The following EXT1 variants were observed in gnomAD, a reference collection of about 807,000 sequenced individuals.
EXT1 encodes the protein exostosin glycosyltransferase 1.
A neutral mutation model predicts 82.5 loss-of-function variants in EXT1; 20 were observed. The ratio of observed to expected loss-of-function variants is 0.24; its 90% CI spans 0.17 to 0.35. The LOEUF (loss-of-function observed/expected upper bound fraction) is 0.35, where lower values mean the gene tolerates loss of function less well. Among genes scored for constraint, EXT1 ranks in the 10% least tolerant of loss-of-function variants. EXT1 has a pLI of 1.00. For synonymous variants in EXT1, 348 were observed against 350.8 expected, an observed-to-expected ratio of 0.99 and a Z score of 0.09; for missense variants, 757 against 936.5, an observed-to-expected ratio of 0.81 and a Z score of 2.50.
intron 1 of EXT1, among the ~76,000 whole-genome samples, chr8:118,005,347 T>C (rs539425716): frequency 3.7e-4 from 56 of 152,228 alleles, no homozygotes; most frequent in African/African-American, 1.3e-3. Context: ...GTTTCTTAGC[T>C]CTAGTTACAA....
At chr8:117,851,438 CCA>C (rs1006280851) in intron 1 of EXT1, among the ~76,000 whole-genome samples, 1 of 150,580 alleles carries the variant, frequency 6.6e-6, no homozygotes, top group African/African-American at 2.4e-5. Context: ...TCAACGGAGC[CCA>C]GTTTCCACAG....
chr8:117,931,418 T>C (rs935044322), intron 1 of EXT1, among the ~76,000 whole-genome samples: 3 of 151,416 alleles, frequency 2.0e-5, no homozygotes, highest in East Asian at 3.9e-4. Flanking sequence ...TAAATCTTTA[T>C]AAATTATAAA....
In EXT1 at chr8:118,105,594, C is replaced by T. The variant is rs144432049; in HGVS notation, c.962+4491G>A. ...GAAAGGAAGGAGAGAATCAGAATCT[C>T]GGTGTCAGAAGACAAACTTGCCAAC... On this transcript the variant is annotated intron_variant, in intron 1 of 10. Transcript: ENST00000378204. Among the ~76,000 whole-genome samples, 241 of 152,256 alleles carry T rather than the reference C, an allele frequency of 1.6e-3. 1 individual carries two copies. The highest frequency in any genetic ancestry group is 5.7e-3 in the African/African-American group (237 of 41,550).
At chr8:117,806,994 C>T (rs1391137484) in intron 9 of EXT1, among the ~76,000 whole-genome samples, 2 of 152,078 alleles carry the variant, frequency 1.3e-5, no homozygotes, top group Admixed American at 6.6e-5. Flanking sequence ...ACACTTCAGA[C>T]CAACTGAAAA....
chr8:118,038,268 G>C (rs1037745630), intron 1 of EXT1, among the ~76,000 whole-genome samples: 10 of 152,216 alleles, frequency 6.6e-5, no homozygotes, highest in African/African-American at 2.4e-4. Flanking sequence ...CAAAAACGTT[G>C]AACAGTGGGT....
chr8:117,900,495 TGCCA>T (rs1813422014), intron 1 of EXT1, among the ~76,000 whole-genome samples: 6 of 152,210 alleles, frequency 3.9e-5, no homozygotes, highest in Non-Finnish European at 8.8e-5. Context: ...TTAGGGCTGA[TGCCA>T]TGAAATAAAT....
chr8:117,831,280 G>A (rs1286358792), intron 3 of EXT1, among the ~76,000 whole-genome samples: 2 of 152,100 alleles, frequency 1.3e-5, no homozygotes, highest in Non-Finnish European at 2.9e-5. Flanking sequence ...TATAAAGTGG[G>A]GATAAAGTAC....
chr8:117,890,917 A>C (rs1437941605), intron 1 of EXT1, among the ~76,000 whole-genome samples: 2 of 152,100 alleles, frequency 1.3e-5, no homozygotes, highest in Non-Finnish European at 2.9e-5. Flanking sequence ...GAGGGCAATT[A>C]TTTTCTCCTC....
intron 1 of EXT1, among the ~76,000 whole-genome samples, chr8:117,886,049 T>C (rs1323554439): frequency 6.6e-6 from 1 of 152,154 alleles, no homozygotes; most frequent in Non-Finnish European, 1.5e-5. Flanking sequence ...TCCCTGAATC[T>C]CAGTTTTAAA....
intron 1 of EXT1, among the ~76,000 whole-genome samples, chr8:117,864,696 C>T (rs138330329): frequency 0.027 from 3,970 of 147,984 alleles, 191 homozygotes; most frequent in African/African-American, 0.094. Flanking sequence ...TTGCGGTGAG[C>T]GCAGATAGCG....
chr8:117,850,328 T>C (rs183177971), intron 1 of EXT1, among the ~76,000 whole-genome samples: 1 of 152,350 alleles, frequency 6.6e-6, no homozygotes, highest in African/African-American at 2.4e-5. Flanking sequence ...GATTGCAGTC[T>C]CTTTGGAAGG....
At chr8:117,822,713 C>CCT in intron 4 of EXT1, 116 bp from the exon 5 acceptor site, 1 of 1,087,498 alleles carries the variant, frequency 9.2e-7, no homozygotes, top group Non-Finnish European at 1.4e-6. Context: ...TCTACCCTCC[C>CCT]TCCCACTTTA....
intron 1 of EXT1, among the ~76,000 whole-genome samples, chr8:118,107,539 A>T (rs1042680959): frequency 6.6e-6 from 1 of 152,170 alleles, no homozygotes; most frequent in African/African-American, 2.4e-5. Context: ...AGACTGGCAT[A>T]TCTTGACTTG....
At chr8:117,840,739 A>G (rs961201636) in intron 1 of EXT1, among the ~76,000 whole-genome samples, 1 of 152,252 alleles carries the variant, frequency 6.6e-6, no homozygotes, top group African/African-American at 2.4e-5. Flanking sequence ...TCAAACTTTA[A>G]AAGAGGCTAA....
intron 3 of EXT1, among the ~76,000 whole-genome samples, chr8:117,833,539 C>G (rs922835374): frequency 6.6e-6 from 1 of 151,516 alleles, no homozygotes; most frequent in Admixed American, 6.6e-5. Context: ...CGCTTAAACC[C>G]GGGAGGTGGA....
intron 1 of EXT1, among the ~76,000 whole-genome samples, chr8:118,068,610 G>C (rs945041766): frequency 6.6e-6 from 1 of 152,046 alleles, no homozygotes; most frequent in Non-Finnish European, 1.5e-5. Context: ...ATGTTAAATA[G>C]TGTGGCTAAT....
At chr8:118,099,480 T>G (rs1383217520) in intron 1 of EXT1, among the ~76,000 whole-genome samples, 5 of 152,212 alleles carry the variant, frequency 3.3e-5, no homozygotes, top group Non-Finnish European at 7.4e-5. Flanking sequence ...GAAATCCAAG[T>G]GATACTCTAG....
At chr8:117,818,633 A>G in intron 6 of EXT1, 103 bp from the exon 7 acceptor site, 1 of 951,448 alleles carries the variant, frequency 1.1e-6, no homozygotes, top group Non-Finnish European at 1.7e-6. Context: ...GAGGAGCTGG[A>G]AATCTCAGCA....
chr8:117,873,932 C>T (rs541609038), intron 1 of EXT1, among the ~76,000 whole-genome samples: 87 of 152,302 alleles, frequency 5.7e-4, no homozygotes, highest in African/African-American at 2.0e-3. Context: ...TGGCTATCTT[C>T]CTCCATTTGA....
Sources: allele counts gnomAD v4.1 joint callset (sites outside exome capture counted in the v4.1 genomes callset), GRCh38; gene constraint gnomAD v4.1.1; transcripts MANE v1.5; gene names NCBI Gene and HGNC (gene_info 2026-07-23, HGNC 2026-07-21).